The following TPRG1 variants were observed in gnomAD, a reference collection of about 807,000 sequenced individuals.
TPRG1 encodes the protein tumor protein p63 regulated 1, also known as tumor protein p63-regulated gene 1 protein.
TPRG1 carries 29 observed loss-of-function variants against 29.3 expected under a neutral mutation model. That is an observed-to-expected ratio of 0.99 (90% confidence interval 0.74 to 1.35). The LOEUF (loss-of-function observed/expected upper bound fraction) is 1.35, where lower values mean the gene tolerates loss of function less well. Among genes scored for constraint, TPRG1 ranks in the 40% most tolerant of loss-of-function variants. The pLI, the probability that TPRG1 is intolerant of heterozygous loss-of-function variation, is 0.00. For missense variants in TPRG1, 327 were observed against 335.0 expected, an observed-to-expected ratio of 0.98 and a Z score of 0.19; for synonymous variants, 130 against 116.8, an observed-to-expected ratio of 1.11 and a Z score of -0.73.
At chr3:189,126,630 T>A (rs1180790041) in intron 1 of TPRG1, among the ~76,000 whole-genome samples, 4 of 152,198 alleles carry the variant, frequency 2.6e-5, no homozygotes, top group Non-Finnish European at 5.9e-5. Flanking sequence ...TCCATTTCCA[T>A]TATTTCCTAG....
intron 3 of TPRG1, among the ~76,000 whole-genome samples, chr3:189,004,935 G>A (rs183765414): frequency 2.0e-4 from 31 of 152,130 alleles, no homozygotes; most frequent in African/African-American, 7.2e-4. Context: ...ATACAGACAT[G>A]CAATGTGAAA....
intron 3 of TPRG1, among the ~76,000 whole-genome samples, chr3:189,008,359 A>G (rs1270162048): frequency 6.6e-6 from 1 of 152,164 alleles, no homozygotes; most frequent in Non-Finnish European, 1.5e-5. Flanking sequence ...AAAACTCTTC[A>G]TGCACAGGCT....
intron 4 of TPRG1, among the ~76,000 whole-genome samples, chr3:189,258,754 G>C (rs1437430074): frequency 6.6e-6 from 1 of 152,174 alleles, no homozygotes; most frequent in Non-Finnish European, 1.5e-5. Flanking sequence ...TTGCGGCGCT[G>C]CAGTGGGCTC....
chr3:189,205,552 GCTT>G (rs1331329240), intron 1 of TPRG1, among the ~76,000 whole-genome samples: 1 of 152,184 alleles, frequency 6.6e-6, no homozygotes, highest in African/African-American at 2.4e-5. Context: ...GGGGATAGGG[GCTT>G]CTTCTCACCT....
intron 4 of TPRG1, among the ~76,000 whole-genome samples, chr3:189,307,878 G>A (rs1306146118): frequency 6.6e-6 from 1 of 152,182 alleles, no homozygotes; most frequent in African/African-American, 2.4e-5. Context: ...TTTGTAAAAT[G>A]TTGTGGTAGG....
At chr3:189,228,678 T>C (rs1419346862) in intron 3 of TPRG1, among the ~76,000 whole-genome samples, 1 of 152,020 alleles carries the variant, frequency 6.6e-6, no homozygotes, top group Non-Finnish European at 1.5e-5. Flanking sequence ...GTCTAATTGT[T>C]CCCCCCTAAG....
At position 189,262,218 on chromosome 3, in the gene TPRG1, A is replaced by ATAAG. The variant is rs1381672137; in HGVS notation, c.479+23312_479+23315dup. Among the ~76,000 whole-genome samples the ATAAG allele has an allele frequency of 6.0e-5, 9 of 150,804 alleles. No individual in the cohort carries two copies. The East Asian group carries it at 1.8e-3, about 29-fold the overall frequency. ...GAGAAGACTTGGTATAAGTATAAGT[A>ATAAG]TAAGTATAAGTATAAGTATAAGTAT... On this transcript the variant is annotated intron_variant, in intron 4 of 5. Coordinates refer to ENST00000345063, the MANE Select transcript of TPRG1 (RefSeq NM_198485.4).
At chr3:189,215,415 G>A (rs1328844012) in intron 3 of TPRG1, 32 bp downstream of exon 3, 10 of 1,571,684 alleles carry the variant, frequency 6.4e-6, no homozygotes, top group East Asian at 2.3e-5. Flanking sequence ...AAGGGCCGTG[G>A]AAATACAGCG....
At chr3:189,015,634 CT>C (rs1413650773) in intron 3 of TPRG1, among the ~76,000 whole-genome samples, 1 of 152,108 alleles carries the variant, frequency 6.6e-6, no homozygotes, top group Non-Finnish European at 1.5e-5. Flanking sequence ...GGCCCTGCTG[CT>C]CTTTGCAGCC....
upstream of TPRG1, among the ~76,000 whole-genome samples, chr3:189,168,659 G>T (rs914458505): frequency 9.2e-5 from 14 of 152,182 alleles, no homozygotes; most frequent in African/African-American, 2.4e-5. Context: ...TGGAACGCAA[G>T]AGAAGGGGAA....
chr3:189,268,216 G>T (rs1714455560), intron 4 of TPRG1, among the ~76,000 whole-genome samples: 1 of 152,156 alleles, frequency 6.6e-6, no homozygotes, highest in African/African-American at 2.4e-5. Flanking sequence ...TCGCCTTTGG[G>T]TATCTGTGCC....
At chr3:189,272,695 C>CTTTCTT (rs770742123) in intron 4 of TPRG1, among the ~76,000 whole-genome samples, 60 of 137,864 alleles carry the variant, frequency 4.4e-4, no homozygotes, top group African/African-American at 1.8e-3. Flanking sequence ...TTCTTTCTTT[C>CTTTCTT]TCTTTCTTTC....
At chr3:189,074,552 T>C (rs1451503834) in intron 4 of TPRG1, among the ~76,000 whole-genome samples, 3 of 152,120 alleles carry the variant, frequency 2.0e-5, no homozygotes, top group Admixed American at 6.6e-5. Context: ...GGAACTCATA[T>C]TAGATGTAGG....
intron 4 of TPRG1, among the ~76,000 whole-genome samples, chr3:189,048,661 C>G (rs933560410): frequency 1.3e-5 from 2 of 152,104 alleles, no homozygotes; most frequent in Non-Finnish European, 2.9e-5. Flanking sequence ...AGACTAGATT[C>G]AGCTCCAGAC....
At chr3:189,241,155 T>G (rs1178595840) in intron 4 of TPRG1, among the ~76,000 whole-genome samples, 1 of 152,218 alleles carries the variant, frequency 6.6e-6, no homozygotes, top group Admixed American at 6.5e-5. Context: ...ATGTAAATTT[T>G]AACCGATGAG....
At chr3:189,165,752 GT>G (rs1425391365) in intron 5 of TPRG1, among the ~76,000 whole-genome samples, 1 of 152,074 alleles carries the variant, frequency 6.6e-6, no homozygotes, top group Non-Finnish European at 1.5e-5. Flanking sequence ...AGTGGAGTAA[GT>G]TTTTCCCCTG....
At chr3:189,190,900 G>A (rs1249949973) in intron 1 of TPRG1, 2 of 929,862 alleles carry the variant, frequency 2.2e-6, no homozygotes, top group African/African-American at 1.8e-5. Flanking sequence ...TTTACAGAAA[G>A]GCTGATCAAA....
At chr3:188,999,598 T>C (rs1711936616) in intron 1 of TPRG1, among the ~76,000 whole-genome samples, 1 of 152,110 alleles carries the variant, frequency 6.6e-6, no homozygotes, top group Admixed American at 6.5e-5. Flanking sequence ...GGAGAATAAG[T>C]AATACACACT....
chr3:189,068,502 C>A (rs115106043), intron 4 of TPRG1, among the ~76,000 whole-genome samples: 1 of 152,168 alleles, frequency 6.6e-6, no homozygotes, highest in Non-Finnish European at 1.5e-5. Context: ...CTTGGCTGGA[C>A]GCAGTGGCTC....
Sources: gnomAD v4.1 joint callset for allele counts (sites outside exome capture counted in the v4.1 genomes callset) on GRCh38, gnomAD v4.1.1 for gene constraint, MANE v1.5 for transcripts, NCBI Gene and HGNC (gene_info 2026-07-23, HGNC 2026-07-21) for gene names.